Variants in CLIP2 observed in about 807,000 individuals in gnomAD.
CLIP2 encodes the protein CAP-Gly domain-containing linker protein 2.
Under a neutral mutation model 111.7 loss-of-function variants are expected in CLIP2, and 41 were observed. The ratio of observed to expected loss-of-function variants is 0.37; its 90% confidence interval spans 0.29 to 0.48. CLIP2 has a LOEUF of 0.48. Ranked by LOEUF, CLIP2 falls within the 20% of genes least tolerant of loss-of-function variation. CLIP2 has a pLI of 0.99. For synonymous variants in CLIP2, 660 were observed against 644.2 expected, an observed-to-expected ratio of 1.02 and a Z score of -0.37; for missense variants, 1,160 against 1,422.1, an observed-to-expected ratio of 0.82 and a Z score of 2.96.
rs1562736019 is a variant in CLIP2, at chr7:74,403,902, G to C, written c.*54G>C. 10 of 1,599,094 alleles carry C rather than the reference G, an allele frequency of 6.3e-6. No individual in the cohort carries two copies. The highest frequency in any genetic ancestry group is 8.6e-6 in the Non-Finnish European group (10 of 1,169,382). ...GTCCACACCAGAGCCCCACGCGGCT[G>C]CCCGGCAGTACCTCCTCCAGGCAGG... On this transcript the variant is annotated 3_prime_UTR_variant, in exon 17 of 17. Transcript: ENST00000223398.
chr7:74,364,169 C>T, intron 7 of CLIP2, 86 bp from the exon 8 acceptor site: 1 of 1,244,106 alleles, frequency 8.0e-7, no homozygotes, highest in Non-Finnish European at 1.1e-6. Context: ...ATTCTCATGG[C>T]CTTGCCTCTC....
Position 74,380,789 on chromosome 7 carries a change from A to G in CLIP2, c.2422-17A>G. On this transcript the variant is annotated splice_polypyrimidine_tract_variant and intron_variant, in intron 10 of 16. Transcript: ENST00000223398. ...GGGCAGAGGTGAGCATCCCCCTTAC[A>G]GGGGCTCTTTTTGCAGATGATTGAG... 1 of 1,600,004 alleles carries G rather than the reference A, an allele frequency of 6.2e-7. No individual in the cohort carries two copies. The highest frequency in any genetic ancestry group is 8.5e-7 in the Non-Finnish European group (1 of 1,170,420).
chr7:74,346,003 G>A (rs1268412236), intron 3 of CLIP2, among the ~76,000 whole-genome samples: 1 of 152,024 alleles, frequency 6.6e-6, no homozygotes, highest in Non-Finnish European at 1.5e-5. Flanking sequence ...TTTTGAGATG[G>A]CTTCTTGCTG....
At chr7:74,390,415 A>G (rs1304234050) in intron 13 of CLIP2, among the ~76,000 whole-genome samples, 2 of 151,970 alleles carry the variant, frequency 1.3e-5, no homozygotes, top group Non-Finnish European at 2.9e-5. Flanking sequence ...CACACTTGTA[A>G]TCCCAGCACT....
chr7:74,305,183 C>T (rs1336758977), intron 1 of CLIP2, among the ~76,000 whole-genome samples: 4 of 54,904 alleles, frequency 7.3e-5, no homozygotes, highest in Admixed American at 5.2e-4. Flanking sequence ...CATCCGTGCC[C>T]ACCCACCCAC....
chr7:74,301,194 T>G (rs1554726766), intron 1 of CLIP2, among the ~76,000 whole-genome samples: 1 of 152,202 alleles, frequency 6.6e-6, no homozygotes, highest in African/African-American at 2.4e-5. Flanking sequence ...ATGCTGGGCA[T>G]TTTTTATATG....
chr7:74,323,476 G>C lies in CLIP2; in HGVS notation c.121+5809G>C, dbSNP rs1413355086. On this transcript the variant is annotated intron_variant, in intron 2 of 16. Transcript: ENST00000223398. ...AGAGTTTTACTCCATCGCCCAGGCTGTAGTGCAGTGGCATGATCTTGGCTC... is the reference window on the plus strand; with the variant it reads ...AGAGTTTTACTCCATCGCCCAGGCTCTAGTGCAGTGGCATGATCTTGGCTC... Among the ~76,000 whole-genome samples the C allele has an allele frequency of 2.0e-5, 3 of 148,760 alleles. No homozygotes were observed. In the East Asian group the frequency reaches 5.9e-4, roughly 29 times the overall value.
At chr7:74,385,714 A>C (rs1791071729) in intron 11 of CLIP2, among the ~76,000 whole-genome samples, 1 of 150,748 alleles carries the variant, frequency 6.6e-6, no homozygotes. Context: ...CAGGTTACCT[A>C]AGACCACATA....
intron 15 of CLIP2, 79 bp from the exon 16 acceptor site, chr7:74,401,426 G>GAA (rs1277325980): frequency 3.6e-6 from 5 of 1,395,662 alleles, no homozygotes; most frequent in Non-Finnish European, 5.0e-6. Context: ...GGTCCCATGG[G>GAA]AAGACCTCGC....
chr7:74,368,283 C>T (rs905545632), intron 8 of CLIP2, among the ~76,000 whole-genome samples: 15 of 151,776 alleles, frequency 9.9e-5, no homozygotes, highest in Admixed American at 7.2e-4. Flanking sequence ...TTTGGGAGGC[C>T]GAGGTGGGCG....
intron 1 of CLIP2, among the ~76,000 whole-genome samples, chr7:74,291,447 G>A (rs1379289089): frequency 6.6e-6 from 1 of 152,176 alleles, no homozygotes; most frequent in South Asian, 2.1e-4. Context: ...TTAACAGCCC[G>A]GGTTCAAATC....
At chr7:74,382,243 C>T (rs1411000136) in intron 11 of CLIP2, among the ~76,000 whole-genome samples, 1 of 149,610 alleles carries the variant, frequency 6.7e-6, no homozygotes, top group Non-Finnish European at 1.5e-5. Context: ...ACCACCACGC[C>T]TGGCTAATTT....
chr7:74,357,269 C>A lies in CLIP2; in HGVS notation c.1018-11C>A, dbSNP rs782346879. ...TCCCTGAGACCCGCCTGCATCCACACCTTCCTGCAGCTCACGGAGACCTCT... is the reference window on the plus strand; with the variant it reads ...TCCCTGAGACCCGCCTGCATCCACAACTTCCTGCAGCTCACGGAGACCTCT... On this transcript the variant is annotated splice_polypyrimidine_tract_variant and intron_variant, in intron 5 of 16. Coordinates refer to ENST00000223398, the MANE Select transcript of CLIP2 (RefSeq NM_003388.5). 6.8e-6 allele frequency: 11 copies of A among 1,613,506 alleles called. No homozygotes were observed. The highest frequency in any genetic ancestry group is 9.3e-6 in the Non-Finnish European group (11 of 1,179,578).
At chr7:74,348,009 A>G (rs972743528) in intron 3 of CLIP2, among the ~76,000 whole-genome samples, 22 of 151,900 alleles carry the variant, frequency 1.4e-4, no homozygotes, top group African/African-American at 5.1e-4. Context: ...GTGAAACCCC[A>G]TCTCTACTAA....
At chr7:74,374,021 C>A (rs781914295) in intron 9 of CLIP2, among the ~76,000 whole-genome samples, 3 of 152,104 alleles carry the variant, frequency 2.0e-5, no homozygotes, top group Non-Finnish European at 2.9e-5. Context: ...CCCCACAGTC[C>A]CCTCCAGGCT....
intron 2 of CLIP2, among the ~76,000 whole-genome samples, chr7:74,330,086 A>T: frequency 6.8e-6 from 1 of 146,204 alleles, no homozygotes; most frequent in Non-Finnish European, 1.5e-5. Flanking sequence ...GCTATTTTTT[A>T]TTTTCTATTA....
chr7:74,367,727 A>C lies in CLIP2; in HGVS notation c.1380+3412A>C, dbSNP rs78294428. Reference sequence around the variant, plus strand: ...GAACATGTCCTAACCACATCTATCCAGGCCTCCCCTAACACCACCCCCCTT... The same window carrying C: ...GAACATGTCCTAACCACATCTATCCCGGCCTCCCCTAACACCACCCCCCTT... On this transcript the variant is annotated intron_variant, in intron 8 of 16. Coordinates refer to ENST00000223398, the MANE Select transcript of CLIP2 (RefSeq NM_003388.5). 1.1e-4 allele frequency among the ~76,000 whole-genome samples: 16 copies of C among 152,232 alleles called. No individual in the cohort carries two copies. In the East Asian group the frequency reaches 3.1e-3, roughly 29 times the overall value.
At chr7:74,314,556 T>C (rs1788719314) in intron 1 of CLIP2, among the ~76,000 whole-genome samples, 1 of 152,208 alleles carries the variant, frequency 6.6e-6, no homozygotes, top group South Asian at 2.1e-4. Context: ...ACCACAGATA[T>C]GGCTGGACAG....
At chr7:74,300,702 C>T (rs926832686) in intron 1 of CLIP2, among the ~76,000 whole-genome samples, 4 of 152,156 alleles carry the variant, frequency 2.6e-5, no homozygotes, top group African/African-American at 4.8e-5. Context: ...ATGATCCACC[C>T]GCCTCGGCCT....
Sources: allele counts gnomAD v4.1 joint callset (sites outside exome capture counted in the v4.1 genomes callset), GRCh38; gene constraint gnomAD v4.1.1; transcripts MANE v1.5; gene names NCBI Gene and HGNC (gene_info 2026-07-23, HGNC 2026-07-21).